Variants in NBEA observed in about 807,000 individuals in gnomAD.
The protein encoded by NBEA is lysosomal-trafficking regulator 2.
A neutral mutation model predicts 343.4 loss-of-function variants in NBEA; 44 were observed. The observed-to-expected ratio is 0.13, with a 90% confidence interval of 0.10 to 0.16. The LOEUF (loss-of-function observed/expected upper bound fraction) is 0.16, where lower values mean the gene tolerates loss of function less well. Ranked by LOEUF, NBEA falls within the 10% of genes least tolerant of loss-of-function variation. NBEA has a pLI of 1.00. For missense variants in NBEA, 2,555 were observed against 3,631.3 expected, an observed-to-expected ratio of 0.70 and a Z score of 7.62; for synonymous variants, 1,175 against 1,238.7, an observed-to-expected ratio of 0.95 and a Z score of 1.08.
chr13:35,475,846 G>T, intron 41 of NBEA: 1 of 1,614,020 alleles, frequency 6.2e-7, no homozygotes, highest in Non-Finnish European at 8.5e-7. Flanking sequence ...CTTCAGCACC[G>T]CGCAGCCGGG....
chr13:35,394,994 T>C (rs1418110728), intron 38 of NBEA, among the ~76,000 whole-genome samples: 4 of 152,176 alleles, frequency 2.6e-5, no homozygotes, highest in Admixed American at 6.6e-5. Context: ...CATTTAAATT[T>C]CTTTTGTAAC....
chr13:35,523,323 C>A (rs772858570), intron 41 of NBEA, among the ~76,000 whole-genome samples: 3 of 152,168 alleles, frequency 2.0e-5, no homozygotes, highest in Non-Finnish European at 2.9e-5. Context: ...AGTTAATTCT[C>A]ATGCCCATTT....
chr13:35,514,714 G>A (rs1410037571), intron 41 of NBEA, among the ~76,000 whole-genome samples: 1 of 152,088 alleles, frequency 6.6e-6, no homozygotes, highest in African/African-American at 2.4e-5. Flanking sequence ...AAACAAAAAA[G>A]AGGTCGAAAA....
chr13:35,514,541 C>T (rs1022025559), intron 41 of NBEA, among the ~76,000 whole-genome samples: 2 of 151,842 alleles, frequency 1.3e-5, no homozygotes, highest in Non-Finnish European at 2.9e-5. Flanking sequence ...ATGCAAAAGC[C>T]TACTAAAATA....
At chr13:35,613,096 T>C (rs1035664512) in intron 48 of NBEA, among the ~76,000 whole-genome samples, 6 of 149,308 alleles carry the variant, frequency 4.0e-5, no homozygotes, top group Non-Finnish European at 5.9e-5. Context: ...TATTTACATA[T>C]ATATATAAAT....
intron 2 of NBEA, 43 bp from the exon 3 acceptor site, chr13:35,044,904 A>G: frequency 2.7e-6 from 4 of 1,470,420 alleles, no homozygotes; most frequent in Non-Finnish European, 2.8e-6. Flanking sequence ...GACAGATGGC[A>G]GCTCATGACT....
intron 41 of NBEA, among the ~76,000 whole-genome samples, chr13:35,510,985 T>G (rs1423219007): frequency 1.3e-5 from 2 of 152,186 alleles, no homozygotes; most frequent in African/African-American, 4.8e-5. Context: ...TAATGGATTT[T>G]CAGATAACAT....
At chr13:35,051,351 G>A (rs1218990976) in intron 6 of NBEA, among the ~76,000 whole-genome samples, 2 of 151,648 alleles carry the variant, frequency 1.3e-5, no homozygotes, top group African/African-American at 4.8e-5. Flanking sequence ...GTGGTGAGGG[G>A]GAGATCTTTA....
intron 38 of NBEA, among the ~76,000 whole-genome samples, chr13:35,430,738 T>G (rs1384347772): frequency 6.6e-6 from 1 of 152,166 alleles, no homozygotes; most frequent in Non-Finnish European, 1.5e-5. Flanking sequence ...TTTAACATAA[T>G]CTTAATGAAA....
At chr13:35,455,433 C>G (rs940663718) in intron 40 of NBEA, among the ~76,000 whole-genome samples, 1 of 150,890 alleles carries the variant, frequency 6.6e-6, no homozygotes, top group Admixed American at 6.6e-5. Context: ...AGAAGAATAT[C>G]TGGCATGAAG....
At chr13:35,480,058 GAAAAAA>G (rs35107997) in intron 41 of NBEA, among the ~76,000 whole-genome samples, 1 of 136,368 alleles carries the variant, frequency 7.3e-6, no homozygotes, top group Non-Finnish European at 1.6e-5. Context: ...TACCAGTTAG[GAAAAAA>G]AAAAAAAAAA....
chr13:35,312,444 C>G (rs2037432035), intron 36 of NBEA, among the ~76,000 whole-genome samples: 1 of 152,186 alleles, frequency 6.6e-6, no homozygotes. Flanking sequence ...AGAGCTATTT[C>G]CAGTCAGCCA....
At chr13:35,516,219 G>C (rs1307724956) in intron 41 of NBEA, among the ~76,000 whole-genome samples, 1 of 152,128 alleles carries the variant, frequency 6.6e-6, no homozygotes, top group Non-Finnish European at 1.5e-5. Flanking sequence ...TGTCTACATA[G>C]CAAGTTCCTA....
At chr13:35,643,407 A>G (rs370646716) in intron 49 of NBEA, among the ~76,000 whole-genome samples, 2 of 152,304 alleles carry the variant, frequency 1.3e-5, no homozygotes, top group East Asian at 1.9e-4. Flanking sequence ...CCCTTGGCAT[A>G]GAGTAAGCAT....
At chr13:35,417,968 T>A (rs918049166) in intron 38 of NBEA, among the ~76,000 whole-genome samples, 4 of 152,206 alleles carry the variant, frequency 2.6e-5, no homozygotes, top group Non-Finnish European at 4.4e-5. Flanking sequence ...CTCTTCTTGT[T>A]GAATTGATCC....
intron 30 of NBEA, among the ~76,000 whole-genome samples, chr13:35,189,420 T>C (rs1335051919): frequency 6.6e-6 from 1 of 152,104 alleles, no homozygotes; most frequent in African/African-American, 2.4e-5. Flanking sequence ...GTTCCTTATA[T>C]ATTTTGGATA....
At chr13:35,528,996 T>C (rs894454574) in intron 41 of NBEA, among the ~76,000 whole-genome samples, 2 of 152,156 alleles carry the variant, frequency 1.3e-5, no homozygotes, top group Non-Finnish European at 2.9e-5. Flanking sequence ...TAATTTTGAG[T>C]TGTTTACCCT....
intron 1 of NBEA, among the ~76,000 whole-genome samples, chr13:35,010,739 A>ATATATATATAT (rs1221896150): frequency 5.9e-5 from 2 of 34,162 alleles, no homozygotes; most frequent in Admixed American, 8.7e-4. Flanking sequence ...AAAAAAAAAA[A>ATATATATATAT]AAATATATAT....
At chr13:35,113,986 C>T (rs1303449053) in intron 13 of NBEA, among the ~76,000 whole-genome samples, 3 of 152,116 alleles carry the variant, frequency 2.0e-5, no homozygotes, top group Non-Finnish European at 4.4e-5. Flanking sequence ...GTTTTTAATA[C>T]TATTTTACTT....
Sources: allele counts gnomAD v4.1 joint callset (sites outside exome capture counted in the v4.1 genomes callset), GRCh38; gene constraint gnomAD v4.1.1; transcripts MANE v1.5; gene names NCBI Gene and HGNC (gene_info 2026-07-23, HGNC 2026-07-21).